Variants in DRG1 observed in about 807,000 individuals in gnomAD.
DRG1 encodes the protein developmentally-regulated GTP-binding protein 1.
Under a neutral mutation model 38.8 loss-of-function variants are expected in DRG1, and 19 were observed. That is an observed-to-expected ratio of 0.49 (90% CI 0.34 to 0.72). The LOEUF is 0.72. DRG1 is among the 30% of genes least tolerant of loss of function. The pLI is 0.01. For synonymous variants in DRG1, 167 were observed against 157.5 expected, an observed-to-expected ratio of 1.06 and a Z score of -0.45; for missense variants, 299 against 444.8, an observed-to-expected ratio of 0.67 and a Z score of 2.95.
At chr22:31,413,021 GC>G (rs2050026139) in intron 4 of DRG1, among the ~76,000 whole-genome samples, 1 of 151,614 alleles carries the variant, frequency 6.6e-6, no homozygotes, top group South Asian at 2.1e-4. Context: ...TTTGATAATT[GC>G]CTCTATTTCT....
Position 31,404,674 on chromosome 22 carries a change from T to C in DRG1, c.342+1470T>C, listed in dbSNP as rs546204427. 5.9e-5 allele frequency among the ~76,000 whole-genome samples: 9 copies of C among 152,262 alleles called. No individual in the cohort carries two copies. In the South Asian group the frequency reaches 1.9e-3, roughly 32 times the overall value. ...TCTTGCTCTGTCTCCCAGGCTAGAG[T>C]GCAGTGGCATGATCTCGGCTCACTG... On this transcript the variant is annotated intron_variant, in intron 3 of 8. Transcript: ENST00000331457.
intron 8 of DRG1, among the ~76,000 whole-genome samples, chr22:31,432,742 G>A (rs1210900993): frequency 6.6e-6 from 1 of 151,614 alleles, no homozygotes; most frequent in African/African-American, 2.4e-5. Context: ...TGTATTTTTA[G>A]TAGAGACAGG....
Position 31,423,640 on chromosome 22 carries a change from C to T in DRG1, c.713+230C>T, listed in dbSNP as rs750568087. 9.3e-5 allele frequency among the ~76,000 whole-genome samples: 14 copies of T among 150,734 alleles called. No homozygotes were observed. The Admixed American group carries it at 9.3e-4, about 10-fold the overall frequency. On this transcript the variant is annotated intron_variant, in intron 6 of 8. Coordinates refer to ENST00000331457, the MANE Select transcript of DRG1 (RefSeq NM_004147.4). ...CTCCCAGGTTCAAGAGATTCTTCTG[C>T]CTCAGCCTCCCGAGTAGCTAGGATT...
At chr22:31,402,697 A>G (rs1297829382) in intron 2 of DRG1, among the ~76,000 whole-genome samples, 1 of 151,912 alleles carries the variant, frequency 6.6e-6, no homozygotes, top group Non-Finnish European at 1.5e-5. Flanking sequence ...TTTTGTAGAG[A>G]CAGGGTTTTG....
At chr22:31,399,799 C>T in intron 1 of DRG1, 74 bp downstream of exon 1, 1 of 1,608,252 alleles carries the variant, frequency 6.2e-7, no homozygotes, top group Non-Finnish European at 8.5e-7. Context: ...TTCCTGTTCT[C>T]CTTTGAGCCG....
At chr22:31,411,978 T>G (rs1555898369) in intron 4 of DRG1, among the ~76,000 whole-genome samples, 3 of 151,980 alleles carry the variant, frequency 2.0e-5, no homozygotes, top group Non-Finnish European at 4.4e-5. Context: ...CCAACTTTTT[T>G]CCCTCACTGG....
chr22:31,427,753 G>A (rs921860177), intron 8 of DRG1, among the ~76,000 whole-genome samples: 1 of 151,952 alleles, frequency 6.6e-6, no homozygotes, highest in Non-Finnish European at 1.5e-5. Flanking sequence ...TTCATTTTTT[G>A]AGACAGTCTC....
rs553749637 is a variant in DRG1, at chr22:31,418,235, G to A, written c.413-2021G>A. ...AGGCAGGAGGATCACTTGAGGCCAGGAGTTCGAGACCAACCTGGGCAACAT... is the reference window on the plus strand; with the variant it reads ...AGGCAGGAGGATCACTTGAGGCCAGAAGTTCGAGACCAACCTGGGCAACAT... On this transcript the variant is annotated intron_variant, in intron 4 of 8. Transcript: ENST00000331457. Among the ~76,000 whole-genome samples, 72 of 152,110 alleles carry A rather than the reference G, an allele frequency of 4.7e-4. No homozygotes were observed. The Middle Eastern group carries it at 0.014, about 29-fold the overall frequency.
intron 5 of DRG1, 43 bp downstream of exon 5, chr22:31,420,468 G>A: frequency 1.9e-6 from 3 of 1,611,240 alleles, no homozygotes; most frequent in South Asian, 1.1e-5. Context: ...TGCAGGAATT[G>A]GAATGGGGAG....
intron 6 of DRG1, among the ~76,000 whole-genome samples, chr22:31,423,769 C>T (rs5753610): frequency 0.23 from 34,447 of 151,478 alleles, 5,008 homozygotes; most frequent in East Asian, 0.46. Flanking sequence ...TCAAGTGATC[C>T]GTCTGCCTCG....
chr22:31,434,009 C>A lies in DRG1; in HGVS notation c.*38C>A. ...TTCCCATCTGCCGGACGAACCACAA[C>A]AGCGTTCCCCATGATCAAGCACCCT... On this transcript the variant is annotated 3_prime_UTR_variant, in exon 9 of 9. Coordinates refer to ENST00000331457, the MANE Select transcript of DRG1 (RefSeq NM_004147.4). 6.3e-7 allele frequency: 1 copy of A among 1,582,242 alleles called. No individual in the cohort carries two copies. Among genetic ancestry groups the A allele is most frequent in the Non-Finnish European group, 8.7e-7 (1 of 1,153,148 alleles).
chr22:31,423,618 C>T (rs2145868691), intron 6 of DRG1, among the ~76,000 whole-genome samples: 1 of 151,194 alleles, frequency 6.6e-6, no homozygotes, highest in South Asian at 2.1e-4. Flanking sequence ...GCTCCACCTC[C>T]CAGGTTCAAG....
intron 3 of DRG1, among the ~76,000 whole-genome samples, chr22:31,405,470 C>G (rs1449061123): frequency 6.6e-6 from 1 of 151,932 alleles, no homozygotes; most frequent in Non-Finnish European, 1.5e-5. Context: ...CTGGCCGGGC[C>G]TTAATAAATT....
At chr22:31,433,572 A>T (rs2050153970) in intron 8 of DRG1, among the ~76,000 whole-genome samples, 1 of 152,174 alleles carries the variant, frequency 6.6e-6, no homozygotes. Context: ...CGCCCGGCCC[A>T]GAGTATTTCT....
intron 6 of DRG1, among the ~76,000 whole-genome samples, chr22:31,424,807 C>G (rs1219296385): frequency 3.8e-5 from 1 of 26,110 alleles, no homozygotes; most frequent in African/African-American, 1.5e-4. Context: ...CCCGCCCCCC[C>G]CCCCTTTTTT....
intron 4 of DRG1, among the ~76,000 whole-genome samples, chr22:31,411,640 C>A (rs1257209720): frequency 2.6e-5 from 4 of 151,352 alleles, no homozygotes; most frequent in Admixed American, 1.3e-4. Context: ...AGGGATCCTC[C>A]CACCTCAGCC....
intron 6 of DRG1, among the ~76,000 whole-genome samples, chr22:31,425,043 G>C (rs1047712427): frequency 1.3e-5 from 2 of 150,436 alleles, no homozygotes; most frequent in East Asian, 3.9e-4. Flanking sequence ...CAGTCTGCCT[G>C]CCTCTGCCTC....
At chr22:31,413,487 C>T (rs767989046) in intron 4 of DRG1, among the ~76,000 whole-genome samples, 1 of 151,676 alleles carries the variant, frequency 6.6e-6, no homozygotes, top group Non-Finnish European at 1.5e-5. Flanking sequence ...GAGTGTATTT[C>T]TGCTCTAGTA....
At chr22:31,424,866 G>C (rs1297632783) in intron 6 of DRG1, among the ~76,000 whole-genome samples, 1 of 131,806 alleles carries the variant, frequency 7.6e-6, no homozygotes, top group Non-Finnish European at 1.5e-5. Flanking sequence ...GCAGTGGCAC[G>C]ATTTCAGCTC....
Sources: allele counts gnomAD v4.1 joint callset (sites outside exome capture counted in the v4.1 genomes callset), GRCh38; gene constraint gnomAD v4.1.1; transcripts MANE v1.5; gene names NCBI Gene and HGNC (gene_info 2026-07-23, HGNC 2026-07-21).